The following TRAK1 variants were observed in gnomAD, a reference collection of about 807,000 sequenced individuals.
The protein encoded by TRAK1 is trafficking kinesin protein 1.
A neutral mutation model predicts 92.1 loss-of-function variants in TRAK1; 33 were observed. The ratio of observed to expected loss-of-function variants is 0.36; its 90% CI spans 0.27 to 0.48. The LOEUF is 0.48. Among genes scored for constraint, TRAK1 ranks in the 20% least tolerant of loss-of-function variants. The pLI is 0.99. For synonymous variants in TRAK1, 521 were observed against 517.3 expected, an observed-to-expected ratio of 1.01 and a Z score of -0.10; for missense variants, 1,123 against 1,257.9, an observed-to-expected ratio of 0.89 and a Z score of 1.62.
chr3:42,102,707 G>A (rs796553442), intron 1 of TRAK1, among the ~76,000 whole-genome samples: 31 of 152,256 alleles, frequency 2.0e-4, no homozygotes, highest in African/African-American at 7.2e-4. Context: ...GTGTGCATGC[G>A]GGCCCCTAGT....
At chr3:42,028,869 A>C (rs1702011391) in intron 1 of TRAK1, among the ~76,000 whole-genome samples, 1 of 152,174 alleles carries the variant, frequency 6.6e-6, no homozygotes, top group South Asian at 2.1e-4. Flanking sequence ...TAGATGATTT[A>C]TTTATGAGAC....
chr3:42,037,146 A>C (rs1228404685), intron 1 of TRAK1, among the ~76,000 whole-genome samples: 1 of 152,184 alleles, frequency 6.6e-6, no homozygotes, highest in Non-Finnish European at 1.5e-5. Flanking sequence ...GGCCAAGTGC[A>C]GTAGATAATG....
At chr3:42,068,731 C>T (rs1453888071) in intron 1 of TRAK1, among the ~76,000 whole-genome samples, 2 of 152,188 alleles carry the variant, frequency 1.3e-5, no homozygotes, top group Non-Finnish European at 2.9e-5. Context: ...ACCCTTACTA[C>T]TTATGGGAAA....
chr3:42,079,982 C>G (rs1293357586), intron 1 of TRAK1, among the ~76,000 whole-genome samples: 1 of 152,088 alleles, frequency 6.6e-6, no homozygotes, highest in Non-Finnish European at 1.5e-5. Flanking sequence ...CACCTGCCCT[C>G]TTTTGTACTT....
At chr3:42,162,078 T>G (rs186104104) in intron 2 of TRAK1, among the ~76,000 whole-genome samples, 1 of 152,304 alleles carries the variant, frequency 6.6e-6, no homozygotes, top group Admixed American at 6.5e-5. Flanking sequence ...GATGTCCAGA[T>G]GATGGGCACG....
chr3:42,170,180 A>T (rs1702372448), intron 2 of TRAK1, among the ~76,000 whole-genome samples: 1 of 152,138 alleles, frequency 6.6e-6, no homozygotes, highest in Non-Finnish European at 1.5e-5. Context: ...AGAGCTGGGG[A>T]AGATTATTAA....
upstream of TRAK1, among the ~76,000 whole-genome samples, chr3:42,087,794 G>A (rs1052483115): frequency 1.3e-5 from 2 of 152,192 alleles, no homozygotes; most frequent in Admixed American, 6.5e-5. Flanking sequence ...GGAATAACAT[G>A]CACTGTCATT....
chr3:42,217,334 A>G, intron 14 of TRAK1: 1 of 985,172 alleles, frequency 1.0e-6, no homozygotes, highest in South Asian at 4.7e-5. Flanking sequence ...GAAGGGCCAA[A>G]TCTCTGGCTT....
At chr3:42,213,772 C>T (rs768189747) in intron 14 of TRAK1, among the ~76,000 whole-genome samples, 4 of 152,100 alleles carry the variant, frequency 2.6e-5, no homozygotes, top group Non-Finnish European at 4.4e-5. Flanking sequence ...ATTCACAGAC[C>T]CTTGGGTGCA....
upstream of TRAK1, among the ~76,000 whole-genome samples, chr3:42,083,274 A>C (rs755203444): frequency 2.7e-4 from 41 of 152,052 alleles, 1 homozygote; most frequent in Admixed American, 6.6e-5. Context: ...GAATTTTTAT[A>C]TCCTTTGCCC....
Position 42,099,447 on chromosome 3 carries a change from C to T in TRAK1, c.91+7887C>T, listed in dbSNP as rs562980056. Among the ~76,000 whole-genome samples, 22 of 152,256 alleles carry T rather than the reference C, an allele frequency of 1.4e-4. No homozygotes were observed. The South Asian group carries it at 4.6e-3, about 32-fold the overall frequency. The stretch of plus-strand genomic sequence containing the variant: ...GAGCAAGACCCTAATCTTGACCTTC[C>T]AGGAGGTTTAAACCCTAGTTTGATT... On this transcript the variant is annotated intron_variant, in intron 1 of 15. Transcript: ENST00000327628.
intron 2 of TRAK1, 100 bp downstream of exon 2, chr3:42,125,714 G>C: frequency 7.5e-7 from 1 of 1,338,012 alleles, no homozygotes; most frequent in Admixed American, 2.2e-5. Flanking sequence ...CTGTGATGTG[G>C]CTTGCCACCT....
chr3:42,168,318 C>T (rs1238841298), intron 2 of TRAK1, among the ~76,000 whole-genome samples: 1 of 152,158 alleles, frequency 6.6e-6, no homozygotes, highest in Non-Finnish European at 1.5e-5. Flanking sequence ...TGAGACAATA[C>T]AATAATGTTT....
At chr3:42,057,951 C>T (rs1229523677) in intron 1 of TRAK1, among the ~76,000 whole-genome samples, 1 of 152,238 alleles carries the variant, frequency 6.6e-6, no homozygotes, top group Non-Finnish European at 1.5e-5. Flanking sequence ...TAAACCTGAA[C>T]ATGTCATTCA....
chr3:42,024,633 A>G (rs189233894), intron 1 of TRAK1, among the ~76,000 whole-genome samples: 2 of 152,348 alleles, frequency 1.3e-5, no homozygotes, highest in Admixed American at 1.3e-4. Context: ...AGATGAAGTT[A>G]ATGATTGCCC....
chr3:42,203,839 C>T (rs972232518), intron 13 of TRAK1: 3 of 845,136 alleles, frequency 3.5e-6, no homozygotes, highest in African/African-American at 3.7e-5. Flanking sequence ...AATACATAAG[C>T]AATACATCTG....
At chr3:42,049,181 A>G (rs940782153) in intron 1 of TRAK1, among the ~76,000 whole-genome samples, 16 of 152,184 alleles carry the variant, frequency 1.1e-4, no homozygotes, top group Non-Finnish European at 1.5e-5. Context: ...CAGGGATGTT[A>G]TTTTTATTCT....
chr3:42,148,698 T>A (rs148213671), intron 2 of TRAK1, among the ~76,000 whole-genome samples: 2 of 152,340 alleles, frequency 1.3e-5, no homozygotes, highest in African/African-American at 4.8e-5. Context: ...TGTGACAGGC[T>A]GTTTTTCTAG....
At chr3:42,080,412 G>T (rs1308017151) in intron 1 of TRAK1, among the ~76,000 whole-genome samples, 1 of 152,124 alleles carries the variant, frequency 6.6e-6, no homozygotes, top group Non-Finnish European at 1.5e-5. Context: ...CCTGGTTGCA[G>T]AATTTCTCAC....
Sources: allele counts gnomAD v4.1 joint callset (sites outside exome capture counted in the v4.1 genomes callset), GRCh38; gene constraint gnomAD v4.1.1; transcripts MANE v1.5; gene names NCBI Gene and HGNC (gene_info 2026-07-23, HGNC 2026-07-21).